The following CCDC30 variants were observed in gnomAD, a reference collection of about 807,000 sequenced individuals.
CCDC30 encodes the protein coiled-coil domain-containing protein 30.
Under a neutral mutation model 100.2 loss-of-function variants are expected in CCDC30, and 70 were observed. The observed-to-expected ratio is 0.70, with a 90% CI of 0.58 to 0.85. CCDC30 has a LOEUF of 0.85. Among genes scored for constraint, CCDC30 ranks in the 40% least tolerant of loss-of-function variants. The probability of loss-of-function intolerance (pLI) is 0.00; values close to 1 mark genes in which losing one functional copy is unlikely to be tolerated. For missense variants in CCDC30, 652 were observed against 771.2 expected, an observed-to-expected ratio of 0.85 and a Z score of 1.83; for synonymous variants, 233 against 269.5, an observed-to-expected ratio of 0.86 and a Z score of 1.33.
At chr1:42,619,825 A>G (rs1008905636) in intron 11 of CCDC30, among the ~76,000 whole-genome samples, 1 of 152,170 alleles carries the variant, frequency 6.6e-6, no homozygotes, top group Non-Finnish European at 1.5e-5. Context: ...ATGAAAGACA[A>G]CTTTTCAACT....
chr1:42,478,312 G>C (rs1212191203), intron 1 of CCDC30, among the ~76,000 whole-genome samples: 1 of 152,194 alleles, frequency 6.6e-6, no homozygotes, highest in Non-Finnish European at 1.5e-5. Context: ...AAGGCTCAGA[G>C]TGTAAATGGT....
intron 11 of CCDC30, among the ~76,000 whole-genome samples, chr1:42,633,553 TTTTG>T (rs1647083033): frequency 6.6e-6 from 1 of 152,110 alleles, no homozygotes; most frequent in Non-Finnish European, 1.5e-5. Context: ...TAAGAGGTTT[TTTTG>T]TTTTTGTTTT....
chr1:42,621,258 C>T (rs1646824097), intron 11 of CCDC30, among the ~76,000 whole-genome samples: 1 of 152,120 alleles, frequency 6.6e-6, no homozygotes, highest in South Asian at 2.1e-4. Flanking sequence ...ATGGGGTACT[C>T]ATCCCCTCAA....
intron 6 of CCDC30, among the ~76,000 whole-genome samples, chr1:42,524,256 G>GT (rs1320075945): frequency 6.6e-6 from 1 of 151,734 alleles, no homozygotes; most frequent in Non-Finnish European, 1.5e-5. Flanking sequence ...ATTTTGTTTT[G>GT]TTTTTTATTG....
chr1:42,487,110 CA>C (rs58763328), intron 3 of CCDC30, among the ~76,000 whole-genome samples: 1,825 of 91,070 alleles, frequency 0.02, 11 homozygotes, highest in African/African-American at 0.036. Flanking sequence ...TGCCCTGTCT[CA>C]AAAAAAAAAA....
intron 1 of CCDC30, chr1:42,473,461 A>T (rs1643832828): frequency 2.5e-6 from 1 of 404,154 alleles, no homozygotes; most frequent in Non-Finnish European, 4.3e-6. Flanking sequence ...ACATGGCAAC[A>T]GTCTGTGTTG....
At chr1:42,627,814 A>G (rs1254847765) in intron 11 of CCDC30, among the ~76,000 whole-genome samples, 3 of 152,258 alleles carry the variant, frequency 2.0e-5, no homozygotes, top group East Asian at 3.8e-4. Context: ...CAGAAAATGT[A>G]TGAAATGCCT....
At chr1:42,525,123 T>C (rs1644704914) in intron 6 of CCDC30, among the ~76,000 whole-genome samples, 1 of 152,174 alleles carries the variant, frequency 6.6e-6, no homozygotes, top group Non-Finnish European at 1.5e-5. Context: ...CAGTTTCTCT[T>C]GGTTTTCTTA....
intron 7 of CCDC30, among the ~76,000 whole-genome samples, chr1:42,574,666 A>G (rs1645797428): frequency 6.6e-6 from 1 of 152,156 alleles, no homozygotes. Context: ...TATAGTATAG[A>G]GTACTGGATT....
intron 10 of CCDC30, 115 bp from the exon 15 acceptor site, chr1:42,610,863 A>G: frequency 1.8e-6 from 1 of 554,706 alleles, no homozygotes. Flanking sequence ...CTATGATCTC[A>G]GAAGCAGGAG....
At chr1:42,461,295 C>T (rs956288703), upstream of CCDC30, among the ~76,000 whole-genome samples, 4 of 152,160 alleles carry the variant, frequency 2.6e-5, no homozygotes, top group Non-Finnish European at 2.9e-5. Flanking sequence ...AGGAAAAATA[C>T]TGCAGCAGTC....
Position 42,606,525 on chromosome 1 carries a change from G to T in CCDC30, c.1165-4453G>T, listed in dbSNP as rs535456525. Among the ~76,000 whole-genome samples, 3 of 152,148 alleles carry T rather than the reference G, an allele frequency of 2.0e-5. No homozygotes were observed. In the East Asian group the frequency reaches 5.8e-4, roughly 29 times the overall value. ...ACTCCTGACCTCAAGTGATCCACCC[G>T]CCTCGGCCTGCAGCGAGCTCACATG... On this transcript the variant is annotated intron_variant, in intron 10 of 16. Coordinates refer to ENST00000668663, the Ensembl canonical transcript of CCDC30.
intron 11 of CCDC30, among the ~76,000 whole-genome samples, chr1:42,615,668 G>A (rs1404508126): frequency 1.3e-5 from 2 of 152,104 alleles, no homozygotes; most frequent in Non-Finnish European, 2.9e-5. Flanking sequence ...GAACAATGGG[G>A]ATGCAAATGA....
At chr1:42,589,186 C>A (rs1016891735) in intron 9 of CCDC30, 135 bp from the exon 14 acceptor site, 2 of 554,032 alleles carry the variant, frequency 3.6e-6, no homozygotes, top group Admixed American at 3.5e-5. Flanking sequence ...TGTGTTGGTC[C>A]CTTTAGCTTA....
chr1:42,469,277 G>A (rs927477123), intron 1 of CCDC30, among the ~76,000 whole-genome samples: 1 of 152,218 alleles, frequency 6.6e-6, no homozygotes, highest in Non-Finnish European at 1.5e-5. Flanking sequence ...AGCTCCTCAT[G>A]AGGCTGAGTC....
chr1:42,593,169 A>G (rs1570177205), intron 10 of CCDC30: 1 of 152,190 alleles, frequency 6.6e-6, no homozygotes, highest in South Asian at 2.1e-4. Context: ...CGAGATGCCA[A>G]TTGCAAGTCC....
At chr1:42,501,632 T>G (rs373727625) in intron 6 of CCDC30, among the ~76,000 whole-genome samples, 5 of 152,320 alleles carry the variant, frequency 3.3e-5, no homozygotes, top group African/African-American at 1.2e-4. Context: ...GATGGGGTTT[T>G]GGTGTGGATG....
At chr1:42,535,709 T>TTATATATATATAG (rs1309856965) in intron 6 of CCDC30, among the ~76,000 whole-genome samples, 1 of 86,052 alleles carries the variant, frequency 1.2e-5, no homozygotes, top group African/African-American at 4.7e-5. Context: ...TATATATATA[T>TTATATATATATAG]TATATATATA....
At chr1:42,550,178 C>T (rs1392157701) in intron 6 of CCDC30, among the ~76,000 whole-genome samples, 1 of 152,154 alleles carries the variant, frequency 6.6e-6, no homozygotes, top group Non-Finnish European at 1.5e-5. Context: ...CCTGTCACTT[C>T]TACCATGAAA....
Sources: allele counts gnomAD v4.1 joint callset (sites outside exome capture counted in the v4.1 genomes callset), GRCh38; gene constraint gnomAD v4.1.1; transcripts MANE v1.5; gene names NCBI Gene and HGNC (gene_info 2026-07-23, HGNC 2026-07-21).